NRP1: variants seen among roughly 807,000 people sequenced by gnomAD.
NRP1 encodes the protein neuropilin-1.
NRP1 carries 35 observed loss-of-function variants against 106.7 expected under a neutral mutation model. The ratio of observed to expected loss-of-function variants is 0.33; its 90% CI spans 0.25 to 0.43. NRP1 has a LOEUF of 0.43. Among genes scored for constraint, NRP1 ranks in the 20% least tolerant of loss-of-function variants. The probability of loss-of-function intolerance (pLI) is 1.00; values close to 1 mark genes in which losing one functional copy is unlikely to be tolerated. For missense variants in NRP1, 1,024 were observed against 1,170.4 expected, an observed-to-expected ratio of 0.87 and a Z score of 1.83; for synonymous variants, 437 against 417.9, an observed-to-expected ratio of 1.05 and a Z score of -0.56.
chr10:33,218,338 CTTTCTT>C (rs1164355952), intron 8 of NRP1, among the ~76,000 whole-genome samples: 43 of 148,576 alleles, frequency 2.9e-4, no homozygotes, highest in Middle Eastern at 3.5e-3. Flanking sequence ...TTTCTTTTTT[CTTTCTT>C]TTTTTTTTTT....
At chr10:33,302,452 C>T (rs1410266061) in intron 2 of NRP1, among the ~76,000 whole-genome samples, 1 of 152,210 alleles carries the variant, frequency 6.6e-6, no homozygotes. Context: ...TGGGCTCCTC[C>T]TTGATCAAAA....
At chr10:33,227,536 T>A (rs574366814) in intron 6 of NRP1, among the ~76,000 whole-genome samples, 19 of 152,314 alleles carry the variant, frequency 1.2e-4, no homozygotes, top group Middle Eastern at 3.4e-3. Context: ...GCAGGTGGAT[T>A]CCAAGTCATC....
chr10:33,278,497 C>T (rs1249862698), intron 2 of NRP1, among the ~76,000 whole-genome samples: 1 of 152,128 alleles, frequency 6.6e-6, no homozygotes, highest in Non-Finnish European at 1.5e-5. Context: ...ACCAACTTCA[C>T]TGACTGTAAA....
chr10:33,245,478 G>A (rs770991213), intron 6 of NRP1, among the ~76,000 whole-genome samples: 7 of 152,206 alleles, frequency 4.6e-5, no homozygotes, highest in Non-Finnish European at 8.8e-5. Context: ...GTCCAACCAT[G>A]TAAGTTAAAG....
At chr10:33,234,277 T>C (rs1840389831) in intron 6 of NRP1, among the ~76,000 whole-genome samples, 1 of 152,170 alleles carries the variant, frequency 6.6e-6, no homozygotes, top group African/African-American at 2.4e-5. Flanking sequence ...TATGTACCTT[T>C]CTCAGAGTCA....
intron 2 of NRP1, among the ~76,000 whole-genome samples, chr10:33,328,916 C>A (rs573999624): frequency 6.6e-6 from 1 of 152,108 alleles, no homozygotes; most frequent in African/African-American, 2.4e-5. Context: ...AATTAGTAAA[C>A]GTCAGTTTAT....
intron 3 of NRP1, among the ~76,000 whole-genome samples, chr10:33,264,309 G>T (rs1420121301): frequency 6.6e-6 from 1 of 152,220 alleles, no homozygotes. Context: ...GAGGCAGTTT[G>T]GGTTTCAGAT....
At chr10:33,308,190 ACAGATAG>A (rs1243385943) in intron 2 of NRP1, among the ~76,000 whole-genome samples, 1 of 152,070 alleles carries the variant, frequency 6.6e-6, no homozygotes, top group African/African-American at 2.4e-5. Flanking sequence ...GCAAAGAACA[ACAGATAG>A]CAGGGTCTAC....
At chr10:33,329,151 C>T (rs1310787501) in intron 2 of NRP1, among the ~76,000 whole-genome samples, 1 of 152,098 alleles carries the variant, frequency 6.6e-6, no homozygotes, top group African/African-American at 2.4e-5. Context: ...ATAAATAAAT[C>T]AATACAATGA....
rs200045925 is a variant in NRP1, at chr10:33,256,298, A to C, written c.814+18T>G. On this transcript the variant is annotated intron_variant, in intron 5 of 16. Transcript: ENST00000374867. ...TGAGTATTTACCACAGGGCTTTGCA[A>C]AATGAATAAACACTGACCTTCTGAG... 97 of 1,612,916 alleles carry C rather than the reference A, an allele frequency of 6.0e-5. No homozygotes were observed. The East Asian group carries it at 2.1e-3, about 35-fold the overall frequency.
chr10:33,263,910 C>T (rs1842750276), intron 3 of NRP1, 37 bp from the exon 4 acceptor site: 1 of 1,328,872 alleles, frequency 7.5e-7, no homozygotes, highest in African/African-American at 1.5e-5. Flanking sequence ...AAGTGAAAAT[C>T]CCACTTAAAC....
intron 2 of NRP1, among the ~76,000 whole-genome samples, chr10:33,308,343 A>G (rs1327845533): frequency 6.6e-6 from 1 of 150,884 alleles, no homozygotes; most frequent in East Asian, 1.9e-4. Context: ...AAACCTGTAC[A>G]CGTACAGGTT....
chr10:33,266,033 A>T (rs1028214357), intron 3 of NRP1, among the ~76,000 whole-genome samples: 5 of 152,180 alleles, frequency 3.3e-5, no homozygotes, highest in Non-Finnish European at 5.9e-5. Flanking sequence ...TTCCCTGGGG[A>T]AAAAACCGCT....
intron 3 of NRP1, among the ~76,000 whole-genome samples, chr10:33,269,896 C>T (rs1843179054): frequency 1.3e-5 from 2 of 152,210 alleles, no homozygotes; most frequent in Non-Finnish European, 2.9e-5. Context: ...TGCAGAAAAA[C>T]AAGCTAAGGG....
chr10:33,222,581 T>C (rs1199101176), intron 7 of NRP1, among the ~76,000 whole-genome samples: 1 of 151,968 alleles, frequency 6.6e-6, no homozygotes, highest in Non-Finnish European at 1.5e-5. Context: ...AGTGCAGTGA[T>C]GCGATCTCGG....
At chr10:33,318,761 G>A (rs577382561) in intron 2 of NRP1, among the ~76,000 whole-genome samples, 50 of 144,068 alleles carry the variant, frequency 3.5e-4, no homozygotes, top group Admixed American at 7.5e-4. Flanking sequence ...AAAAGTTATC[G>A]TGGTTTTGGT....
chr10:33,188,927 ATATATATAT>A (rs1362180290), intron 13 of NRP1, among the ~76,000 whole-genome samples: 4 of 142,242 alleles, frequency 2.8e-5, no homozygotes, highest in African/African-American at 1.1e-4. Context: ...ATATATATAT[ATATATATAT>A]AAATTAAAAC....
rs72236242 is a variant in NRP1, at chr10:33,202,567, T to TG, written c.1864+323dup. On this transcript the variant is annotated intron_variant, in intron 11 of 16. Transcript: ENST00000374867. ...TACGTAGGGGTGGTGCACGTGTTAT[T>TG]GGGGGGGGGTCTGAAAATAATGAAA... The TG allele has an allele frequency of 0.016, 20,541 of 1,314,400 alleles. 1,247 individuals carry two copies. In the African/African-American group the frequency reaches 0.23, roughly 15 times the overall value. 81.4% of individuals were successfully genotyped at this position (1,314,400 alleles called of 1,614,324 possible).
In NRP1 at chr10:33,202,967, G is replaced by A. The variant is rs147055093; in HGVS notation, c.1788C>T (p.Asn596=). 1.0e-4 allele frequency: 167 copies of A among 1,614,082 alleles called. 1 individual carries two copies. In the Admixed American group the frequency reaches 1.1e-3, roughly 10 times the overall value. ...EAPTAGPTTP[N]GNLVDECDDD... ...CATCACATTCATCCACCAAGTTCCC[G>A]TTGGGAGTGGTCGGTCCAGCTGTAG... Residue 596 remains asparagine, a synonymous_variant, in exon 11 of 17, where the codon AAC becomes AAT. Coordinates refer to ENST00000374867, the MANE Select transcript of NRP1 (RefSeq NM_003873.7).
Sources: gnomAD v4.1 joint callset for allele counts (sites outside exome capture counted in the v4.1 genomes callset) on GRCh38, gnomAD v4.1.1 for gene constraint, MANE v1.5 for transcripts, NCBI Gene and HGNC (gene_info 2026-07-23, HGNC 2026-07-21) for gene names.